DLG2: variants seen among roughly 807,000 people sequenced by gnomAD.
DLG2 encodes disks large homolog 2.
Under a neutral mutation model 132.5 loss-of-function variants are expected in DLG2, and 45 were observed. The observed-to-expected ratio is 0.34, with a 90% CI of 0.27 to 0.44. The LOEUF is 0.44. Ranked by LOEUF, DLG2 falls within the 20% of genes least tolerant of loss-of-function variation. The probability of loss-of-function intolerance (pLI) is 1.00; values close to 1 mark genes in which losing one functional copy is unlikely to be tolerated. For missense variants in DLG2, 1,045 were observed against 1,196.9 expected (o/e 0.87, Z 1.87); for synonymous variants, 424 against 419.6 (o/e 1.01, Z -0.13).
chr11:84,841,070 C>A (rs900745639), intron 6 of DLG2, among the ~76,000 whole-genome samples: 2 of 150,574 alleles, frequency 1.3e-5, no homozygotes, highest in African/African-American at 4.9e-5. Context: ...CCACACTATG[C>A]AGCAATAAAA....
At chr11:85,060,244 A>T (rs1217292515) in intron 6 of DLG2, among the ~76,000 whole-genome samples, 1 of 151,362 alleles carries the variant, frequency 6.6e-6, no homozygotes, top group Non-Finnish European at 1.5e-5. Flanking sequence ...CTAAAGGTTT[A>T]TCTTTGTTGT....
intron 2 of DLG2, among the ~76,000 whole-genome samples, chr11:85,613,651 G>A (rs1365093089): frequency 6.6e-6 from 1 of 152,098 alleles, no homozygotes; most frequent in Non-Finnish European, 1.5e-5. Context: ...TGGTAAAAAC[G>A]GACCAATCAG....
intron 7 of DLG2, among the ~76,000 whole-genome samples, chr11:84,407,501 C>T (rs1473501406): frequency 6.6e-6 from 1 of 152,092 alleles, no homozygotes; most frequent in Non-Finnish European, 1.5e-5. Flanking sequence ...GCCTGCTTCC[C>T]AAAAACCTCT....
At chr11:85,488,217 C>A (rs1053662856) in intron 3 of DLG2, among the ~76,000 whole-genome samples, 4 of 152,002 alleles carry the variant, frequency 2.6e-5, no homozygotes, top group African/African-American at 4.8e-5. Flanking sequence ...GGTGAAACCC[C>A]ATCTCTACTA....
intron 9 of DLG2, among the ~76,000 whole-genome samples, chr11:84,146,508 AAAAGAATTTAG>A (rs1462110647): frequency 1.3e-5 from 2 of 152,158 alleles, no homozygotes; most frequent in Admixed American, 6.5e-5. Context: ...TAAAAATTAG[AAAAGAATTTAG>A]AAAGAATTTA....
chr11:83,808,942 C>G (rs995808998), intron 17 of DLG2, among the ~76,000 whole-genome samples: 9 of 152,070 alleles, frequency 5.9e-5, no homozygotes, highest in Non-Finnish European at 1.2e-4. Flanking sequence ...TCACTTCTTC[C>G]TTCCTTACCT....
chr11:85,553,400 T>A (rs1365621190), intron 3 of DLG2, among the ~76,000 whole-genome samples: 1 of 151,158 alleles, frequency 6.6e-6, no homozygotes. Context: ...ATAATAGACA[T>A]AAAAATAGTT....
At chr11:83,944,801 C>T (rs1035198266) in intron 14 of DLG2, among the ~76,000 whole-genome samples, 4 of 152,206 alleles carry the variant, frequency 2.6e-5, no homozygotes, top group South Asian at 2.1e-4. Flanking sequence ...AAAGAGCCAA[C>T]GGGCTCCACA....
chr11:85,000,549 G>T (rs1405316007), intron 6 of DLG2, among the ~76,000 whole-genome samples: 2 of 152,108 alleles, frequency 1.3e-5, no homozygotes, highest in African/African-American at 4.8e-5. Context: ...TTCTTGTATG[G>T]ATTTGGTGAA....
chr11:84,131,879 C>A (rs2094436442), intron 9 of DLG2, among the ~76,000 whole-genome samples: 1 of 151,438 alleles, frequency 6.6e-6, no homozygotes, highest in South Asian at 2.1e-4. Context: ...AAACTGGATG[C>A]ATTATCATGT....
At chr11:83,775,694 A>C (rs7116773) in intron 18 of DLG2, among the ~76,000 whole-genome samples, 37,493 of 151,374 alleles carry the variant, frequency 0.25, 5,502 homozygotes, top group African/African-American at 0.4. Context: ...AACAGAGTTT[A>C]TATAAAATAA....
At chr11:84,696,101 A>C (rs2058586381) in intron 6 of DLG2, among the ~76,000 whole-genome samples, 1 of 151,560 alleles carries the variant, frequency 6.6e-6, no homozygotes, top group South Asian at 2.1e-4. Context: ...AACAAAATAA[A>C]ATTGAATAAG....
At chr11:84,944,736 C>G (rs2049971958) in intron 6 of DLG2, among the ~76,000 whole-genome samples, 1 of 151,654 alleles carries the variant, frequency 6.6e-6, no homozygotes, top group Admixed American at 6.6e-5. Flanking sequence ...TCCTGAGTAG[C>G]TGGGACTACA....
intron 3 of DLG2, among the ~76,000 whole-genome samples, chr11:85,532,549 C>T (rs1039118725): frequency 1.3e-5 from 2 of 152,198 alleles, no homozygotes; most frequent in Non-Finnish European, 2.9e-5. Flanking sequence ...ACATGAGTAT[C>T]ACAGAGCACA....
At chr11:85,274,597 G>A (rs931220107) in intron 4 of DLG2, among the ~76,000 whole-genome samples, 2 of 151,984 alleles carry the variant, frequency 1.3e-5, no homozygotes, top group Admixed American at 1.3e-4. Flanking sequence ...CAAATGAAGG[G>A]TTCACAAGTG....
intron 5 of DLG2, among the ~76,000 whole-genome samples, chr11:85,113,296 T>C (rs1243681649): frequency 3.9e-5 from 6 of 151,980 alleles, no homozygotes; most frequent in Admixed American, 6.6e-5. Context: ...AGATATAGAT[T>C]CTCCTCAGAT....
In DLG2 at chr11:84,769,484, A is replaced by C. The variant is rs12274007; in HGVS notation, c.358-234753T>G. On this transcript the variant is annotated intron_variant, in intron 6 of 27. Transcript: ENST00000376104. Reference sequence around the variant, plus strand: ...TCTCAGAGAAATATGGGATTATTTAAAGTGACCAAATATATAAATTATTGG... The same window carrying C: ...TCTCAGAGAAATATGGGATTATTTACAGTGACCAAATATATAAATTATTGG... Among the ~76,000 whole-genome samples the C allele has an allele frequency of 4.2e-3, 636 of 152,276 alleles. 5 individuals are homozygous for C. Among genetic ancestry groups the C allele is most frequent in the African/African-American group, 0.014 (602 of 41,576 alleles).
At chr11:84,045,362 T>C (rs1004845226) in intron 11 of DLG2, among the ~76,000 whole-genome samples, 4 of 151,678 alleles carry the variant, frequency 2.6e-5, no homozygotes, top group Non-Finnish European at 5.9e-5. Context: ...CTACTGAGAT[T>C]GATATCAATA....
At chr11:85,120,490 T>C (rs1382739643) in intron 5 of DLG2, among the ~76,000 whole-genome samples, 1 of 152,074 alleles carries the variant, frequency 6.6e-6, no homozygotes, top group Non-Finnish European at 1.5e-5. Context: ...ATGTATACTT[T>C]CATTTATGGT....
Sources: gnomAD v4.1 joint callset for allele counts (sites outside exome capture counted in the v4.1 genomes callset) on GRCh38, gnomAD v4.1.1 for gene constraint, MANE v1.5 for transcripts, NCBI Gene and HGNC (gene_info 2026-07-23, HGNC 2026-07-21) for gene names.